The following SULT2B1 variants were observed in gnomAD, a reference collection of about 807,000 sequenced individuals.
The protein encoded by SULT2B1 is sulfotransferase family 2B member 1.
In SULT2B1, 16 loss-of-function variants were observed where a neutral mutation model predicts 33.2. The observed-to-expected ratio is 0.48, with a 90% CI of 0.33 to 0.73. The LOEUF is 0.73. Ranked by LOEUF, SULT2B1 falls within the 30% of genes least tolerant of loss-of-function variation. The pLI is 0.02. For synonymous variants in SULT2B1, 186 were observed against 200.5 expected, an observed-to-expected ratio of 0.93 and a Z score of 0.61; for missense variants, 500 against 506.0, an observed-to-expected ratio of 0.99 and a Z score of 0.11.
chr19:48,576,629 C>A (rs914897223), intron 2 of SULT2B1, among the ~76,000 whole-genome samples: 7 of 142,010 alleles, frequency 4.9e-5, no homozygotes, highest in Middle Eastern at 7.1e-3. Context: ...TGGTCACCAC[C>A]AAATTGTATA....
chr19:48,576,043 G>A lies in SULT2B1; in HGVS notation c.174G>A (p.Val58=). 6.2e-7 allele frequency: 1 copy of A among 1,613,646 alleles called. No individual in the cohort carries two copies. Among genetic ancestry groups the A allele is most frequent in the Admixed American group, 1.7e-5 (1 of 59,970 alleles). The change falls in exon 2 of 7, where the codon GTG becomes GTA. Residue 58 remains valine, a synonymous_variant. Coordinates refer to ENST00000201586, the MANE Select transcript of SULT2B1 (RefSeq NM_177973.2). ...SISLAENTQD[V]RDDDIFIITY... is the part of the protein sequence containing the mutation. The stretch of plus-strand genomic sequence containing the variant: ...GCTTGGCGGAGAACACCCAAGATGT[G>A]CGGGACGACGACATCTTTATCATCA...
chr19:48,575,100 C>CTTTTTTT (rs66515808), intron 1 of SULT2B1, among the ~76,000 whole-genome samples: 9 of 81,428 alleles, frequency 1.1e-4, no homozygotes, highest in African/African-American at 1.6e-4. Context: ...CTGTTTTAAC[C>CTTTTTTT]TTTTTTTTTT....
At chr19:48,594,741 G>A (rs1488473788) in intron 5 of SULT2B1, among the ~76,000 whole-genome samples, 3 of 152,256 alleles carry the variant, frequency 2.0e-5, no homozygotes, top group African/African-American at 4.8e-5. Flanking sequence ...AGTGATGGCC[G>A]GGCATGGTGG....
intron 4 of SULT2B1, among the ~76,000 whole-genome samples, chr19:48,592,501 GAC>G (rs1973655614): frequency 6.6e-6 from 1 of 152,150 alleles, no homozygotes; most frequent in South Asian, 2.1e-4. Context: ...GGACTGGATG[GAC>G]AGATAGACAA....
At chr19:48,597,996 G>C (rs1238406414) in intron 6 of SULT2B1, among the ~76,000 whole-genome samples, 2 of 152,034 alleles carry the variant, frequency 1.3e-5, no homozygotes. Context: ...TGATGACACT[G>C]AGCCCACCCA....
chr19:48,597,588 C>A (rs1973736627), intron 6 of SULT2B1, among the ~76,000 whole-genome samples: 1 of 151,790 alleles, frequency 6.6e-6, no homozygotes, highest in Non-Finnish European at 1.5e-5. Flanking sequence ...TGTGATCCAC[C>A]CGCCTCGGCC....
chr19:48,564,947 C>G (rs3909296), intron 1 of SULT2B1, among the ~76,000 whole-genome samples: 1 of 151,612 alleles, frequency 6.6e-6, no homozygotes, highest in African/African-American at 2.4e-5. Context: ...CGTGCCACCA[C>G]GCCCGGCTAA....
chr19:48,576,359 C>CTTTTTTTTCTTTTTTTTTTTTTTTT (rs1973408270), intron 2 of SULT2B1, among the ~76,000 whole-genome samples: 1 of 96,716 alleles, frequency 1.0e-5, no homozygotes, highest in African/African-American at 4.3e-5. Flanking sequence ...CTCTACTTCT[C>CTTTTTTTTCTTTTTTTTTTTTTTTT]TTTTTTTTTT....
intron 1 of SULT2B1, among the ~76,000 whole-genome samples, chr19:48,564,112 G>C (rs1330457430): frequency 1.3e-5 from 2 of 152,026 alleles, no homozygotes; most frequent in Non-Finnish European, 2.9e-5. Context: ...CAAGCGTGGT[G>C]GCAGGTGCCT....
At chr19:48,567,727 T>C (rs1012777617) in intron 1 of SULT2B1, among the ~76,000 whole-genome samples, 2 of 152,058 alleles carry the variant, frequency 1.3e-5, no homozygotes. Context: ...CCCAGCACTC[T>C]GGGAGGCTGA....
intron 4 of SULT2B1, 75 bp downstream of exon 4, chr19:48,591,810 G>A: frequency 4.8e-6 from 7 of 1,463,726 alleles, no homozygotes; most frequent in South Asian, 1.4e-5. Context: ...AGGGACAGAG[G>A]AGGGGTAAGA....
Position 48,587,207 on chromosome 19 carries a change from TCTG to T in SULT2B1, c.215-19_215-17del. Reference sequence around the variant, plus strand: ...CTTCAGCCCTCCCACACCCAATTAATCTGCTCGATTTCTCCCAACAGGCACGAC... The same window carrying T: ...CTTCAGCCCTCCCACACCCAATTAATCTCGATTTCTCCCAACAGGCACGAC... On this transcript the variant is annotated intron_variant, in intron 2 of 6. Transcript: ENST00000201586. 6.3e-7 allele frequency: 1 copy of T among 1,580,058 alleles called. No individual in the cohort carries two copies. The highest frequency in any genetic ancestry group is 2.2e-5 in the East Asian group (1 of 44,626).
At chr19:48,573,686 C>T (rs2147609628) in intron 1 of SULT2B1, among the ~76,000 whole-genome samples, 1 of 152,184 alleles carries the variant, frequency 6.6e-6, no homozygotes, top group South Asian at 2.1e-4. Context: ...GAAGGAGGGA[C>T]TGAGTCTACA....
rs757866278 is a variant in SULT2B1, at chr19:48,599,145, C to T, written c.837C>T (p.Gly279=). 4.9e-5 allele frequency: 77 copies of T among 1,583,100 alleles called. No individual in the cohort carries two copies. The highest frequency in any genetic ancestry group is 5.8e-5 in the Non-Finnish European group (68 of 1,168,744). ...RGAFLRKGVC[G]DWKNHFTVAQ... ...CCCCCTCTTCTCCAGGGGTCTGCGG[C>T]GACTGGAAGAACCACTTCACGGTGG... Residue 279 remains glycine (G), a synonymous_variant, in exon 7 of 7, where the codon GGC becomes GGT. Coordinates refer to ENST00000201586, the MANE Select transcript of SULT2B1 (RefSeq NM_177973.2). This position sits in a 1 kb window ranked among gnomAD's most constrained non-coding sequence, Gnocchi z 4.1.
intron 6 of SULT2B1, among the ~76,000 whole-genome samples, chr19:48,598,319 C>T (rs1334470539): frequency 2.0e-5 from 3 of 151,988 alleles, no homozygotes; most frequent in Admixed American, 1.3e-4. Flanking sequence ...GGGAGGGGTG[C>T]CGTGGCTCAC....
rs532248200 is a variant in SULT2B1, at chr19:48,565,936, G to A, written c.72-10005G>A. ...CAGGCTATTTTTTTTTTTTTTAGAC[G>A]GAGTCTCACTCTGTTACCCAGGCTG... On this transcript the variant is annotated intron_variant, in intron 1 of 6. Transcript: ENST00000201586. 7.0e-5 allele frequency among the ~76,000 whole-genome samples: 9 copies of A among 128,500 alleles called. No homozygotes were observed. In the South Asian group the frequency reaches 1.5e-3, roughly 22 times the overall value. The allele number at this position is 128,500 out of a possible 152,430, so 84.3% of individuals were successfully genotyped here. A position where few individuals can be genotyped will look rare whatever the true frequency, so the allele number is the denominator to read the frequency against.
At chr19:48,561,384 G>A (rs147925180) in intron 1 of SULT2B1, among the ~76,000 whole-genome samples, 2,309 of 150,914 alleles carry the variant, frequency 0.015, 18 homozygotes, top group Middle Eastern at 0.11. Flanking sequence ...AGCCGAGATC[G>A]TGCCATTGCA....
At chr19:48,593,127 C>T (rs1272673248) in intron 5 of SULT2B1, among the ~76,000 whole-genome samples, 9 of 152,282 alleles carry the variant, frequency 5.9e-5, no homozygotes, top group African/African-American at 2.2e-4. Flanking sequence ...TAGTGGCTCA[C>T]ACCTGTAATC....
intron 1 of SULT2B1, among the ~76,000 whole-genome samples, chr19:48,558,255 G>T (rs1214551708): frequency 6.6e-6 from 1 of 152,210 alleles, no homozygotes; most frequent in African/African-American, 2.4e-5. Context: ...ACTGTATCAC[G>T]CCCTGGATGG....
Sources: allele counts gnomAD v4.1 joint callset (sites outside exome capture counted in the v4.1 genomes callset), GRCh38; gene constraint gnomAD v4.1.1; non-coding constraint Gnocchi (gnomAD v3.1); transcripts MANE v1.5; gene names NCBI Gene and HGNC (gene_info 2026-07-23, HGNC 2026-07-21).